MAP2K5: variants seen among roughly 807,000 people sequenced by gnomAD.
MAP2K5 encodes mitogen-activated protein kinase kinase 5, also known as dual specificity mitogen-activated protein kinase kinase 5.
MAP2K5 carries 49 observed loss-of-function variants against 83.1 expected under a neutral mutation model. That is an observed-to-expected ratio of 0.59 (90% CI 0.47 to 0.75). The LOEUF (loss-of-function observed/expected upper bound fraction) is 0.75, where lower values mean the gene tolerates loss of function less well. Ranked by LOEUF, MAP2K5 falls within the 30% of genes least tolerant of loss-of-function variation. The probability of loss-of-function intolerance (pLI) is 0.00; values close to 1 mark genes in which losing one functional copy is unlikely to be tolerated. For synonymous variants in MAP2K5, 202 were observed against 191.8 expected, an observed-to-expected ratio of 1.05 and a Z score of -0.44; for missense variants, 457 against 557.5, an observed-to-expected ratio of 0.82 and a Z score of 1.82.
intron 8 of MAP2K5, among the ~76,000 whole-genome samples, chr15:67,608,595 G>T (rs934501771): frequency 6.6e-6 from 1 of 152,296 alleles, no homozygotes; most frequent in Non-Finnish European, 1.5e-5. Flanking sequence ...ATCAGGAAAG[G>T]CCTCATGGAG....
At chr15:67,732,205 T>G (rs1013309338) in intron 17 of MAP2K5, among the ~76,000 whole-genome samples, 1 of 152,236 alleles carries the variant, frequency 6.6e-6, no homozygotes, top group African/African-American at 2.4e-5. Context: ...GTTAATCATG[T>G]AGATCCAAAT....
chr15:67,550,311 A>G (rs1296100858), intron 2 of MAP2K5, among the ~76,000 whole-genome samples: 1 of 152,244 alleles, frequency 6.6e-6, no homozygotes, highest in East Asian at 1.9e-4. Context: ...TATAGCTTTA[A>G]TTACCAGCAT....
rs180783810 is a variant in MAP2K5 at position 67,720,191 on chromosome 15, G to T, written c.1045-7725G>T. 6.6e-6 allele frequency among the ~76,000 whole-genome samples: 1 copy of T among 151,914 alleles called. No homozygotes were observed. Among genetic ancestry groups the T allele is most frequent in the Non-Finnish European group, 1.5e-5 (1 of 67,990 alleles). ...ATCTAACCAAAAAGTTACTCAGCTA[G>T]GGTTTTTGGTTTAATGTAGTATAGA... On this transcript the variant is annotated intron_variant, in intron 16 of 21. Transcript: ENST00000178640. This position sits in a 1 kb window ranked among gnomAD's most constrained non-coding sequence, Gnocchi z 5.7.
At chr15:67,586,268 T>C (rs1469916854) in intron 5 of MAP2K5, among the ~76,000 whole-genome samples, 1 of 152,238 alleles carries the variant, frequency 6.6e-6, no homozygotes, top group Non-Finnish European at 1.5e-5. Context: ...ATATTGCACA[T>C]GGAATACCCT....
chr15:67,606,037 A>G (rs1270161473), intron 8 of MAP2K5, among the ~76,000 whole-genome samples: 1 of 152,216 alleles, frequency 6.6e-6, no homozygotes. Flanking sequence ...GTAGTATGTC[A>G]TATGGAAATA....
At chr15:67,679,268 T>C (rs986768431) in intron 13 of MAP2K5, among the ~76,000 whole-genome samples, 2 of 152,114 alleles carry the variant, frequency 1.3e-5, no homozygotes, top group Non-Finnish European at 2.9e-5. Context: ...TGTGGATTGT[T>C]TAATGGCTAA....
intron 12 of MAP2K5, chr15:67,659,034 G>T: frequency 1.2e-5 from 3 of 240,870 alleles, no homozygotes; most frequent in East Asian, 1.2e-4. Context: ...TATTAGTAAA[G>T]ATTTTTTGCA....
intron 6 of MAP2K5, among the ~76,000 whole-genome samples, chr15:67,591,568 A>G (rs1394194132): frequency 6.6e-6 from 1 of 150,520 alleles, no homozygotes; most frequent in Non-Finnish European, 1.5e-5. Context: ...ACAGGGTTTC[A>G]CCGTGTTAGC....
At chr15:67,553,296 G>A (rs1461112667) in intron 2 of MAP2K5, among the ~76,000 whole-genome samples, 1 of 152,210 alleles carries the variant, frequency 6.6e-6, no homozygotes, top group Non-Finnish European at 1.5e-5. Context: ...ATCCCCAAGT[G>A]TGTCAAAAGC....
intron 13 of MAP2K5, among the ~76,000 whole-genome samples, chr15:67,684,037 A>G (rs1409179312): frequency 1.3e-5 from 2 of 152,222 alleles, no homozygotes; most frequent in African/African-American, 2.4e-5. Context: ...TTGGAGTTCA[A>G]GGAGACCAAA....
Position 67,628,692 on chromosome 15 carries a change from G to A in MAP2K5, c.546-2196G>A. The A allele has an allele frequency of 3.5e-6, 3 of 864,806 alleles. No individual in the cohort carries two copies. The South Asian group carries it at 3.9e-5, about 11-fold the overall frequency. The allele number at this position is 864,806 out of a possible 1,614,324, so 53.6% of individuals were successfully genotyped here. On this transcript the variant is annotated intron_variant, in intron 8 of 21. Transcript: ENST00000178640. Reference sequence around the variant, plus strand: ...AACCATACTGTGAATGGCCACAACGGTGAAGTTAGGAAAGCCCTGTTAAAG... The same window carrying A: ...AACCATACTGTGAATGGCCACAACGATGAAGTTAGGAAAGCCCTGTTAAAG...
intron 19 of MAP2K5, among the ~76,000 whole-genome samples, chr15:67,751,782 A>G (rs918952830): frequency 1.3e-5 from 2 of 152,138 alleles, no homozygotes; most frequent in South Asian, 4.1e-4. Context: ...CAGGGCTGTA[A>G]AATTGTGTGG....
chr15:67,754,160 AC>A (rs1225654380), intron 19 of MAP2K5, among the ~76,000 whole-genome samples: 1 of 152,242 alleles, frequency 6.6e-6, no homozygotes, highest in African/African-American at 2.4e-5. Flanking sequence ...ATTGAGAATG[AC>A]TGTCACAGGT....
intron 8 of MAP2K5, among the ~76,000 whole-genome samples, chr15:67,614,833 T>C (rs144375117): frequency 6.6e-6 from 1 of 152,310 alleles, no homozygotes; most frequent in African/African-American, 2.4e-5. Flanking sequence ...AGAGTTACAG[T>C]AGCTTTCTCT....
chr15:67,681,230 A>G (rs1251909885), intron 13 of MAP2K5, among the ~76,000 whole-genome samples: 1 of 152,228 alleles, frequency 6.6e-6, no homozygotes, highest in Admixed American at 6.5e-5. Context: ...GATATGATGT[A>G]CAAGATCAGG....
Position 67,642,334 on chromosome 15 carries a change from G to C in MAP2K5, c.586-3897G>C, listed in dbSNP as rs1050813417. The stretch of plus-strand genomic sequence containing the variant: ...GAGTTAGACCCTGTGTGGAGTGCTG[G>C]GGGGGATAGAAAAATGTACAAGACT... On this transcript the variant is annotated intron_variant, in intron 9 of 21. Coordinates refer to ENST00000178640, the MANE Select transcript of MAP2K5 (RefSeq NM_145160.3). 3 of 1,033,916 alleles carry C rather than the reference G, an allele frequency of 2.9e-6. No individual in the cohort carries two copies. In the Admixed American group the frequency reaches 7.4e-5, roughly 25 times the overall value. The allele number at this position is 1,033,916 out of a possible 1,614,324, so 64.0% of individuals were successfully genotyped here. A position where few individuals can be genotyped will look rare whatever the true frequency, so the allele number is the denominator to read the frequency against.
At position 67,576,968 on chromosome 15, in the gene MAP2K5, G is replaced by A. The variant is rs527593816; in HGVS notation, c.253-3786G>A. ...TTTTGAGACGGAGTCTCGCTCTGTC[G>A]CCCAGGCCGGACTGCGGACTGCAGT... On this transcript the variant is annotated intron_variant, in intron 3 of 21. Coordinates refer to ENST00000178640, the MANE Select transcript of MAP2K5 (RefSeq NM_145160.3). Among the ~76,000 whole-genome samples, 764 of 134,642 alleles carry A rather than the reference G, an allele frequency of 5.7e-3. 40 individuals are homozygous for A. Among genetic ancestry groups the A allele is most frequent in the African/African-American group, 0.019 (710 of 37,520 alleles). The allele number at this position is 134,642 out of a possible 152,430, so 88.3% of individuals were successfully genotyped here. A position where few individuals can be genotyped will look rare whatever the true frequency, so the allele number is the denominator to read the frequency against.
At chr15:67,656,027 G>C (rs1186655171) in intron 11 of MAP2K5, among the ~76,000 whole-genome samples, 2 of 151,822 alleles carry the variant, frequency 1.3e-5, no homozygotes, top group African/African-American at 2.4e-5. Flanking sequence ...TTTCATTTCA[G>C]TTATTATACT....
chr15:67,620,246 C>T (rs1274312701), intron 8 of MAP2K5, among the ~76,000 whole-genome samples: 1 of 152,094 alleles, frequency 6.6e-6, no homozygotes, highest in Non-Finnish European at 1.5e-5. Context: ...TGGTGGGCAC[C>T]TGTAGACCCA....
Sources: gnomAD v4.1 joint callset for allele counts (sites outside exome capture counted in the v4.1 genomes callset) on GRCh38, gnomAD v4.1.1 for gene constraint, Gnocchi (gnomAD v3.1) non-coding constraint, MANE v1.5 for transcripts, NCBI Gene and HGNC (gene_info 2026-07-23, HGNC 2026-07-21) for gene names.